GPR158: variants seen among roughly 807,000 people sequenced by gnomAD.
GPR158 encodes metabotropic glycine receptor.
Under a neutral mutation model 78.2 loss-of-function variants are expected in GPR158, and 30 were observed. That is an observed-to-expected ratio of 0.38 (90% confidence interval 0.29 to 0.52). The LOEUF (loss-of-function observed/expected upper bound fraction) is 0.52. Ranked by LOEUF, GPR158 falls within the 20% of genes least tolerant of loss-of-function variation. GPR158 has a pLI of 0.83. For missense variants in GPR158, 1,463 were observed against 1,523.5 expected, an observed-to-expected ratio of 0.96 and a Z score of 0.66; for synonymous variants, 581 against 591.1, an observed-to-expected ratio of 0.98 and a Z score of 0.25.
intron 1 of GPR158, among the ~76,000 whole-genome samples, chr10:25,213,629 G>A (rs12241322): frequency 0.033 from 4,998 of 152,056 alleles, 271 homozygotes; most frequent in African/African-American, 0.11. Flanking sequence ...AGTGAGCTGG[G>A]TGGGTTGTTC....
chr10:25,371,084 C>T (rs1213514963), intron 2 of GPR158, among the ~76,000 whole-genome samples: 1 of 148,240 alleles, frequency 6.7e-6, no homozygotes, highest in African/African-American at 2.5e-5. Flanking sequence ...GATGGGTTTC[C>T]TGAATATAGC....
intron 2 of GPR158, among the ~76,000 whole-genome samples, chr10:25,367,804 T>C (rs1310646023): frequency 6.6e-6 from 1 of 151,798 alleles, no homozygotes; most frequent in African/African-American, 2.4e-5. Flanking sequence ...TAATGGTTTT[T>C]GCCTTAAGAT....
At chr10:25,577,277 CT>C (rs1837115039) in intron 7 of GPR158, among the ~76,000 whole-genome samples, 1 of 152,072 alleles carries the variant, frequency 6.6e-6, no homozygotes, top group African/African-American at 2.4e-5. Flanking sequence ...AAAACCTGTA[CT>C]GAACACTAAA....
intron 4 of GPR158, among the ~76,000 whole-genome samples, chr10:25,440,305 G>C (rs1160505687): frequency 6.6e-6 from 1 of 152,212 alleles, no homozygotes; most frequent in Non-Finnish European, 1.5e-5. Context: ...GGGGTGGATA[G>C]GGCTGTTTTG....
intron 5 of GPR158, among the ~76,000 whole-genome samples, chr10:25,541,907 G>T (rs574700432): frequency 2.1e-5 from 3 of 143,660 alleles, no homozygotes; most frequent in African/African-American, 7.9e-5. Flanking sequence ...GGAAGCAGGG[G>T]GAAATTATAA....
chr10:25,407,652 C>T (rs1488041154), intron 3 of GPR158, among the ~76,000 whole-genome samples: 1 of 152,104 alleles, frequency 6.6e-6, no homozygotes, highest in Non-Finnish European at 1.5e-5. Flanking sequence ...TACTAAACAC[C>T]TTGGAGACAG....
intron 2 of GPR158, among the ~76,000 whole-genome samples, chr10:25,331,334 C>G (rs1226986360): frequency 6.6e-6 from 1 of 152,172 alleles, no homozygotes; most frequent in Non-Finnish European, 1.5e-5. Context: ...AAAGGGATGA[C>G]AATTCTTCCT....
chr10:25,548,023 C>A (rs1023245592), intron 5 of GPR158, among the ~76,000 whole-genome samples: 3 of 152,074 alleles, frequency 2.0e-5, no homozygotes, highest in Non-Finnish European at 4.4e-5. Context: ...CCCTTACTGC[C>A]TCACAAAGAG....
chr10:25,414,590 A>G (rs1247625986), intron 4 of GPR158, among the ~76,000 whole-genome samples: 2 of 152,176 alleles, frequency 1.3e-5, no homozygotes, highest in African/African-American at 4.8e-5. Context: ...GCTAAAAGCA[A>G]CTGTAAAAAT....
rs555922235 is a variant in GPR158 at position 25,237,964 on chromosome 10, C to T, written c.1008+16807C>T. 5.9e-5 allele frequency among the ~76,000 whole-genome samples: 9 copies of T among 152,128 alleles called. No homozygotes were observed. In the South Asian group the frequency reaches 1.5e-3, roughly 25 times the overall value. On this transcript the variant is annotated intron_variant, in intron 2 of 10. Transcript: ENST00000376351. ...TCTCACTCCCTCCCCTTTCTTTGCC[C>T]GTCCTTCACTTACTTCACTGTCTCT...
intron 2 of GPR158, among the ~76,000 whole-genome samples, chr10:25,300,934 A>C (rs1854584267): frequency 1.3e-5 from 2 of 152,304 alleles, no homozygotes; most frequent in African/African-American, 4.8e-5. Flanking sequence ...CAGATAGGAC[A>C]CAGTGGAAAC....
intron 5 of GPR158, among the ~76,000 whole-genome samples, chr10:25,526,460 T>C (rs1836348719): frequency 6.6e-6 from 1 of 151,872 alleles, no homozygotes; most frequent in Non-Finnish European, 1.5e-5. Context: ...AGGGGGTAAA[T>C]TATGAAAAGG....
At chr10:25,471,955 C>T (rs1173833296) in intron 5 of GPR158, among the ~76,000 whole-genome samples, 3 of 151,716 alleles carry the variant, frequency 2.0e-5, no homozygotes, top group Admixed American at 2.0e-4. Context: ...GTGCAGAAGC[C>T]CTTTAGTTTA....
chr10:25,470,537 CACAA>C (rs1835485664), intron 5 of GPR158, among the ~76,000 whole-genome samples: 1 of 152,176 alleles, frequency 6.6e-6, no homozygotes, highest in East Asian at 1.9e-4. Flanking sequence ...GTTATAGCAG[CACAA>C]ACAGACTAAG....
At chr10:25,241,405 TCTTC>T (rs1215874926) in intron 2 of GPR158, among the ~76,000 whole-genome samples, 15 of 144,566 alleles carry the variant, frequency 1.0e-4, no homozygotes, top group African/African-American at 3.3e-4. Flanking sequence ...TCTTCTCTTC[TCTTC>T]TCTTTTCTTT....
intron 2 of GPR158, among the ~76,000 whole-genome samples, chr10:25,364,094 T>G (rs1855682344): frequency 6.6e-6 from 1 of 151,974 alleles, no homozygotes; most frequent in African/African-American, 2.4e-5. Context: ...TTCTATGGAA[T>G]AAGAAGTATT....
intron 3 of GPR158, among the ~76,000 whole-genome samples, chr10:25,410,480 G>T (rs932602132): frequency 1.3e-5 from 2 of 152,106 alleles, no homozygotes; most frequent in Non-Finnish European, 2.9e-5. Flanking sequence ...GCCAGGCGTG[G>T]TGGCGCGTGT....
chr10:25,346,003 A>G (rs1329100238), intron 2 of GPR158, among the ~76,000 whole-genome samples: 1 of 151,970 alleles, frequency 6.6e-6, no homozygotes, highest in Non-Finnish European at 1.5e-5. Flanking sequence ...GAAGGCACCA[A>G]AGATAATAGG....
At chr10:25,569,717 A>G (rs577426639) in intron 6 of GPR158, among the ~76,000 whole-genome samples, 1 of 152,148 alleles carries the variant, frequency 6.6e-6, no homozygotes, top group Non-Finnish European at 1.5e-5. Flanking sequence ...ATTTCTACCT[A>G]TTGATATCCC....
Sources: gnomAD v4.1 joint callset for allele counts (sites outside exome capture counted in the v4.1 genomes callset) on GRCh38, gnomAD v4.1.1 for gene constraint, MANE v1.5 for transcripts, NCBI Gene and HGNC (gene_info 2026-07-23, HGNC 2026-07-21) for gene names.